The following MSH3 variants were observed in gnomAD, a reference collection of about 807,000 sequenced individuals.
MSH3 encodes DNA mismatch repair protein Msh3.
MSH3 carries 106 observed loss-of-function variants against 123.3 expected under a neutral mutation model. That is an observed-to-expected ratio of 0.86 (90% CI 0.73 to 1.01). The LOEUF is 1.01. MSH3 is among the 50% of genes least tolerant of loss of function. The pLI is 0.00. For missense variants in MSH3, 1,459 were observed against 1,347.6 expected, an observed-to-expected ratio of 1.08 and a Z score of -1.29; for synonymous variants, 515 against 481.4, an observed-to-expected ratio of 1.07 and a Z score of -0.91.
intron 20 of MSH3, among the ~76,000 whole-genome samples, chr5:80,835,403 G>A (rs534869858): frequency 2.6e-5 from 4 of 152,136 alleles, no homozygotes; most frequent in African/African-American, 7.2e-5. Context: ...GAGAATGGGC[G>A]ATCTGTTAGT....
At chr5:80,737,758 C>T (rs760468211) in intron 10 of MSH3, among the ~76,000 whole-genome samples, 3 of 152,128 alleles carry the variant, frequency 2.0e-5, no homozygotes, top group Middle Eastern at 3.2e-3. Flanking sequence ...CTCCAGAATA[C>T]GTATAAATTT....
chr5:80,823,194 A>G (rs932021259), intron 20 of MSH3, among the ~76,000 whole-genome samples: 3 of 152,152 alleles, frequency 2.0e-5, no homozygotes, highest in African/African-American at 4.8e-5. Flanking sequence ...ACCATGGGGG[A>G]TATGGCTTTA....
chr5:80,787,059 A>G (rs113984052), intron 17 of MSH3, among the ~76,000 whole-genome samples: 117 of 143,330 alleles, frequency 8.2e-4, no homozygotes, highest in African/African-American at 2.9e-3. Context: ...CCAACATTAT[A>G]AACTAGATGT....
chr5:80,823,616 A>G (rs1745237720), intron 20 of MSH3, among the ~76,000 whole-genome samples: 1 of 78,882 alleles, frequency 1.3e-5, no homozygotes, highest in South Asian at 5.5e-4. Context: ...TTCAGTGCAC[A>G]TTAAATTTTT....
chr5:80,768,139 A>G lies in MSH3; in HGVS notation c.2084+19A>G, dbSNP rs1174731341. On this transcript the variant is annotated intron_variant, in intron 14 of 23. Coordinates refer to ENST00000265081, the MANE Select transcript of MSH3 (RefSeq NM_002439.5). ...CTGCCAAGTAAGTACCAGACCCTGA[A>G]TTCTTCCTTTTCACCAGTCAGTATA... The G allele has an allele frequency of 4.4e-6, 7 of 1,607,556 alleles. No homozygotes were observed. The highest frequency in any genetic ancestry group is 5.1e-6 in the Non-Finnish European group (6 of 1,174,104).
At chr5:80,708,141 T>G (rs1580576459) in intron 8 of MSH3, among the ~76,000 whole-genome samples, 1 of 152,234 alleles carries the variant, frequency 6.6e-6, no homozygotes, top group East Asian at 1.9e-4. Context: ...AGGTTTTAAT[T>G]TGGTGAAGTC....
chr5:80,769,093 T>C (rs532990818), intron 15 of MSH3, 90 bp downstream of exon 15: 10 of 1,169,014 alleles, frequency 8.6e-6, no homozygotes, highest in African/African-American at 4.7e-5. Context: ...GGATAGGATA[T>C]GTATTATCTT....
intron 17 of MSH3, among the ~76,000 whole-genome samples, chr5:80,784,158 T>C (rs1744457850): frequency 7.5e-6 from 1 of 132,728 alleles, no homozygotes; most frequent in South Asian, 2.3e-4. Context: ...TGCAGTGAGC[T>C]GAGATCATGC....
Position 80,696,571 on chromosome 5 carries a change from G to A in MSH3, c.1340+17478G>A, listed in dbSNP as rs150732515. On this transcript the variant is annotated intron_variant, in intron 8 of 23. Transcript: ENST00000265081. ...AAAAAGTAAACCTGGGGAACTCACC[G>A]TCATACTGTTCCTCACATCCCAAGT... Among the ~76,000 whole-genome samples, 20 of 152,252 alleles carry A rather than the reference G, an allele frequency of 1.3e-4. No homozygotes were observed. The East Asian group carries it at 2.3e-3, about 18-fold the overall frequency.
intron 8 of MSH3, among the ~76,000 whole-genome samples, chr5:80,708,609 A>G (rs1750771804): frequency 6.6e-6 from 1 of 151,780 alleles, no homozygotes; most frequent in African/African-American, 2.4e-5. Context: ...TCTTGTGGAG[A>G]TGGAGTCTCA....
chr5:80,788,714 GA>G (rs1744557369), intron 18 of MSH3, among the ~76,000 whole-genome samples: 1 of 150,798 alleles, frequency 6.6e-6, no homozygotes, highest in Admixed American at 6.6e-5. Flanking sequence ...GGACACTGAG[GA>G]TTGCTTGAGC....
chr5:80,720,033 G>T (rs1038191979), intron 8 of MSH3, among the ~76,000 whole-genome samples: 2 of 152,152 alleles, frequency 1.3e-5, no homozygotes, highest in Admixed American at 1.3e-4. Context: ...CATACTTTGG[G>T]TATAGCTCTC....
At chr5:80,850,874 A>G (rs1745819542) in intron 20 of MSH3, among the ~76,000 whole-genome samples, 1 of 152,130 alleles carries the variant, frequency 6.6e-6, no homozygotes, top group South Asian at 2.1e-4. Flanking sequence ...TGTGTTTGCT[A>G]CTCATATATC....
chr5:80,826,539 A>G (rs1745302197), intron 20 of MSH3, among the ~76,000 whole-genome samples: 1 of 138,322 alleles, frequency 7.2e-6, no homozygotes, highest in Non-Finnish European at 1.5e-5. Flanking sequence ...AACAGACAGG[A>G]GGTTAGGAAT....
chr5:80,712,534 T>G (rs1343776729), intron 8 of MSH3, among the ~76,000 whole-genome samples: 2 of 152,178 alleles, frequency 1.3e-5, no homozygotes, highest in African/African-American at 4.8e-5. Flanking sequence ...TCTTTTTAAT[T>G]TGTAACCTTT....
intron 19 of MSH3, among the ~76,000 whole-genome samples, chr5:80,811,380 T>C (rs974956007): frequency 9.2e-5 from 14 of 152,130 alleles, no homozygotes; most frequent in African/African-American, 1.9e-4. Flanking sequence ...GTGAATTACA[T>C]TGATTGGCTT....
At chr5:80,754,805 C>T (rs1009987142) in intron 12 of MSH3, among the ~76,000 whole-genome samples, 2 of 152,114 alleles carry the variant, frequency 1.3e-5, no homozygotes, top group Non-Finnish European at 1.5e-5. Context: ...TTTTGGTAAA[C>T]CCATATGTTT....
intron 20 of MSH3, among the ~76,000 whole-genome samples, chr5:80,844,076 C>T (rs969928847): frequency 1.3e-5 from 2 of 151,960 alleles, no homozygotes; most frequent in Non-Finnish European, 2.9e-5. Context: ...TTAAATGTGT[C>T]CCAGAGATTC....
At chr5:80,687,752 G>A (rs1561442645) in intron 8 of MSH3, among the ~76,000 whole-genome samples, 1 of 152,158 alleles carries the variant, frequency 6.6e-6, no homozygotes, top group Non-Finnish European at 1.5e-5. Context: ...AACTGGTATG[G>A]ATTCCTGTAG....
Sources: allele counts gnomAD v4.1 joint callset (sites outside exome capture counted in the v4.1 genomes callset), GRCh38; gene constraint gnomAD v4.1.1; transcripts MANE v1.5; gene names NCBI Gene and HGNC (gene_info 2026-07-23, HGNC 2026-07-21).